ZNF3: variants seen among roughly 807,000 people sequenced by gnomAD.
ZNF3 encodes the protein C2-H2 type zinc finger protein.
Under a neutral mutation model 36.9 loss-of-function variants are expected in ZNF3, and 16 were observed. The observed-to-expected ratio is 0.43, with a 90% CI of 0.29 to 0.66. ZNF3 has a LOEUF of 0.66. Among genes scored for constraint, ZNF3 ranks in the 30% least tolerant of loss-of-function variants. ZNF3 has a pLI of 0.13. For synonymous variants in ZNF3, 201 were observed against 201.9 expected (o/e 1.00, Z 0.04); for missense variants, 462 against 543.1 (o/e 0.85, Z 1.48).
At position 100,073,903 on chromosome 7, in the gene ZNF3, C is replaced by G. The variant is rs193090889; in HGVS notation, c.271+1232G>C. Among the ~76,000 whole-genome samples the G allele has an allele frequency of 6.2e-4, 94 of 152,044 alleles. 1 individual carries two copies. Among genetic ancestry groups the G allele is most frequent in the African/African-American group, 2.1e-3 (88 of 41,500 alleles). ...AGGCGCGGTGGCTCATGCCTGTAATCTCAGCACTTTGGGAGGCCGAGGCAG... is the reference window on the plus strand; with the variant it reads ...AGGCGCGGTGGCTCATGCCTGTAATGTCAGCACTTTGGGAGGCCGAGGCAG... On this transcript the variant is annotated intron_variant, in intron 5 of 5. Transcript: ENST00000299667.
At chr7:100,079,680 G>A (rs1794690730) in intron 1 of ZNF3, 24 bp from the exon 2 acceptor site, 1 of 152,170 alleles carries the variant, frequency 6.6e-6, no homozygotes, top group African/African-American at 2.4e-5. Flanking sequence ...GGGAAAAAAA[G>A]GAATTTAAAA....
chr7:100,075,983 T>C (rs1350516543), intron 3 of ZNF3, among the ~76,000 whole-genome samples: 1 of 152,076 alleles, frequency 6.6e-6, no homozygotes, highest in East Asian at 1.9e-4. Context: ...CAGAAACATA[T>C]GATCCCGCTC....
At chr7:100,074,425 C>T (rs1793732290) in intron 5 of ZNF3, among the ~76,000 whole-genome samples, 1 of 152,072 alleles carries the variant, frequency 6.6e-6, no homozygotes, top group African/African-American at 2.4e-5. Flanking sequence ...CATGTGCCAC[C>T]ATGCCTGGCT....
At chr7:100,077,559 T>C in intron 2 of ZNF3, 126 bp from the exon 3 acceptor site, 2 of 752,220 alleles carry the variant, frequency 2.7e-6, no homozygotes, top group East Asian at 3.1e-5. Context: ...CTGGGACTAG[T>C]CTTTTATTTT....
Position 100,071,020 on chromosome 7 carries a change from C to T in ZNF3, c.*123G>A. 2 of 1,492,550 alleles carry T rather than the reference C, an allele frequency of 1.3e-6. No individual in the cohort carries two copies. Among genetic ancestry groups the T allele is most frequent in the Non-Finnish European group, 1.8e-6 (2 of 1,125,126 alleles). The allele number at this position is 1,492,550 out of a possible 1,614,324, so 92.5% of individuals were successfully genotyped here. ...AAAATTCAACGATTTGCCCCATCTG[C>T]CCCATTCTCTAAAATGAAAAGTCTG... is the stretch of plus-strand genomic sequence containing the variant. On this transcript the variant is annotated 3_prime_UTR_variant, in exon 6 of 6. Coordinates refer to ENST00000299667, the MANE Select transcript of ZNF3 (RefSeq NM_032924.5).
rs1793040945 is a variant in ZNF3 at position 100,071,010 on chromosome 7, G to T, written c.*133C>A. ...GATTTCTGGGAAAATTCAACGATTT[G>T]CCCCATCTGCCCCATTCTCTAAAAT... On this transcript the variant is annotated 3_prime_UTR_variant, in exon 6 of 6. Transcript: ENST00000299667. 7.5e-6 allele frequency: 11 copies of T among 1,471,128 alleles called. No homozygotes were observed. Among genetic ancestry groups the T allele is most frequent in the Non-Finnish European group, 9.0e-6 (10 of 1,115,600 alleles). The allele number at this position is 1,471,128 out of a possible 1,614,324, so 91.1% of individuals were successfully genotyped here.
At chr7:100,069,031 T>C (rs1792793401), downstream of ZNF3, among the ~76,000 whole-genome samples, 1 of 151,902 alleles carries the variant, frequency 6.6e-6, no homozygotes, top group African/African-American at 2.4e-5. Flanking sequence ...CATTTCACCA[T>C]GTTGGTCAGG....
chr7:100,064,617 A>G (rs1792542770), exon 6 of ZNF3: 1 of 1,612,182 alleles, frequency 6.2e-7, no homozygotes, highest in Non-Finnish European at 8.5e-7. Context: ...AAGCACCGTA[A>G]CTTTCAAGCG....
intron 5 of ZNF3, among the ~76,000 whole-genome samples, chr7:100,073,057 CT>C (rs934787558): frequency 6.6e-6 from 1 of 152,218 alleles, no homozygotes; most frequent in African/African-American, 2.4e-5. Context: ...ACCCAGGCCC[CT>C]TGGCTCTTCC....
rs2116500184 is a variant in ZNF3, at chr7:100,081,478, G to A, written c.-198+157C>T. 6.6e-6 allele frequency among the ~76,000 whole-genome samples: 1 copy of A among 152,356 alleles called. No homozygotes were observed. ...CTAGGGGGATCCCTGGGGAAGCGGA[G>A]TAGAGGACGGGCTGCAGGGGACGGA... On this transcript the variant is annotated intron_variant, in intron 1 of 5. Transcript: ENST00000299667. The surrounding 1 kb of genome is among the most constrained non-coding windows in gnomAD (Gnocchi z 4.3).
chr7:100,064,354 C>T, exon 6 of ZNF3: 1 of 1,614,104 alleles, frequency 6.2e-7, no homozygotes, highest in Non-Finnish European at 8.5e-7. Context: ...TGGGGAGAAG[C>T]CTTATCAGTG....
At position 100,073,771 on chromosome 7, in the gene ZNF3, G is replaced by A. The variant is rs566405464; in HGVS notation, c.271+1364C>T. The stretch of plus-strand genomic sequence containing the variant: ...AAGCAGAGAAGGAGAGGACAGAGAC[G>A]TGGGCAAAGAGCAGCACCTCATGTG... On this transcript the variant is annotated intron_variant, in intron 5 of 5. Coordinates refer to ENST00000299667, the MANE Select transcript of ZNF3 (RefSeq NM_032924.5). 1.9e-3 allele frequency among the ~76,000 whole-genome samples: 290 copies of A among 152,258 alleles called. 2 individuals carry two copies. Among genetic ancestry groups the A allele is most frequent in the African/African-American group, 6.7e-3 (279 of 41,548 alleles).
rs781081510 is a variant in ZNF3, at chr7:100,071,468, G to A, written c.1016C>T (p.Pro339Leu). 6.2e-7 allele frequency: 1 copy of A among 1,614,170 alleles called. No individual in the cohort carries two copies. The highest frequency in any genetic ancestry group is 8.5e-7 in the Non-Finnish European group (1 of 1,180,042). Residue 339 changes from proline to leucine, a missense_variant, in exon 6 of 6, where the codon CCC becomes CTC. Transcript: ENST00000299667. The stretch of plus-strand genomic sequence containing the variant: ...TTTCCCACATTCATTACATTCATAG[G>A]GTTTTTCTCCAGTGTGGATTCTCTG... ...HHQRIHTGEK[P>L]YECNECGKAF...
chr7:100,072,234 A>T (rs775556660), intron 5 of ZNF3, 22 bp from the exon 6 acceptor site: 1 of 1,539,352 alleles, frequency 6.5e-7, no homozygotes, highest in East Asian at 2.2e-5. Flanking sequence ...AAAAATGCAA[A>T]TGTCACTTGT....
At chr7:100,080,079 A>T (rs924018857) in intron 1 of ZNF3, among the ~76,000 whole-genome samples, 14 of 152,178 alleles carry the variant, frequency 9.2e-5, no homozygotes, top group Non-Finnish European at 1.0e-4. Context: ...ATAAATACCA[A>T]TTAAGACCAC....
rs117755726 is a variant in ZNF3 at position 100,075,495 on chromosome 7, T to C, written c.144+47A>G. 19 of 1,607,596 alleles carry C rather than the reference T, an allele frequency of 1.2e-5. No homozygotes were observed. In the South Asian group the frequency reaches 1.2e-4, roughly 10 times the overall value. On this transcript the variant is annotated intron_variant, in intron 4 of 5. Coordinates refer to ENST00000299667, the MANE Select transcript of ZNF3 (RefSeq NM_032924.5). Reference sequence around the variant, plus strand: ...GTTTAAAGCTCTGAATGGGATGTCATTGCACAGAAAATGGAAAGGAAAAGG... The same window carrying C: ...GTTTAAAGCTCTGAATGGGATGTCACTGCACAGAAAATGGAAAGGAAAAGG...
chr7:100,077,101 C>T, intron 3 of ZNF3: 3 of 577,680 alleles, frequency 5.2e-6, no homozygotes, highest in East Asian at 3.0e-5. Context: ...AAACAATCTG[C>T]CTCAATTATC....
At chr7:100,077,576 T>C (rs1794321481) in intron 2 of ZNF3, 143 bp from the exon 3 acceptor site, 1 of 710,136 alleles carries the variant, frequency 1.4e-6, no homozygotes, top group African/African-American at 1.8e-5. Context: ...TTTTCTTTTA[T>C]TTTTTAATTT....
chr7:100,066,631 G>T (rs551248477), downstream of ZNF3, among the ~76,000 whole-genome samples: 3 of 151,890 alleles, frequency 2.0e-5, no homozygotes, highest in African/African-American at 7.3e-5. Flanking sequence ...CAGCTACTCC[G>T]GAGGCTGAGG....
Sources: allele counts gnomAD v4.1 joint callset (sites outside exome capture counted in the v4.1 genomes callset), GRCh38; gene constraint gnomAD v4.1.1; non-coding constraint Gnocchi (gnomAD v3.1); transcripts MANE v1.5; gene names NCBI Gene and HGNC (gene_info 2026-07-23, HGNC 2026-07-21).